PCDH15: variants seen among roughly 807,000 people sequenced by gnomAD.
PCDH15 encodes protocadherin related 15.
Under a neutral mutation model 178.5 loss-of-function variants are expected in PCDH15, and 129 were observed. The ratio of observed to expected loss-of-function variants is 0.72; its 90% CI spans 0.63 to 0.84. The LOEUF is 0.84. Ranked by LOEUF, PCDH15 falls within the 40% of genes least tolerant of loss-of-function variation. PCDH15 has a pLI of 0.00. For missense variants in PCDH15, 2,230 were observed against 2,099.9 expected (o/e 1.06, Z -1.21); for synonymous variants, 800 against 732.0 (o/e 1.09, Z -1.50).
chr10:54,518,439 G>T (rs189019797), intron 3 of PCDH15, among the ~76,000 whole-genome samples: 1 of 152,008 alleles, frequency 6.6e-6, no homozygotes, highest in Non-Finnish European at 1.5e-5. Context: ...ACACCTCTAC[G>T]CAAATAAACT....
chr10:55,139,389 T>C (rs1273945039), intron 2 of PCDH15, among the ~76,000 whole-genome samples: 2 of 151,974 alleles, frequency 1.3e-5, no homozygotes, highest in Non-Finnish European at 2.9e-5. Context: ...TTTCTCTATG[T>C]ATTTTCTTAA....
intron 2 of PCDH15, among the ~76,000 whole-genome samples, chr10:55,349,357 GT>G: frequency 6.6e-6 from 1 of 152,076 alleles, no homozygotes; most frequent in Non-Finnish European, 1.5e-5. Flanking sequence ...GAAAAGAATA[GT>G]TTTCATGTAT....
At position 54,378,839 on chromosome 10, in the gene PCDH15, C is replaced by T. The variant is rs1289815447; in HGVS notation, c.261G>A (p.Met87Ile). ...GGAAAAGCATTTGCTTAACAGGATC[C>T]ATCAACACCCAGTAATCCACATTAT... ...LKDNVDYWVLMDPVKQMLFLN... is the reference protein window; with the variant it reads ...LKDNVDYWVLIDPVKQMLFLN... Residue 87 changes from methionine to isoleucine, a missense_variant, in exon 4 of 38, where the codon ATG becomes ATA. Met to Ile is a conservative substitution (Grantham distance 10). Coordinates refer to ENST00000644397, the MANE Select transcript of PCDH15 (RefSeq NM_001384140.1). 1.2e-6 allele frequency: 2 copies of T among 1,613,764 alleles called. No homozygotes were observed. Among genetic ancestry groups the T allele is most frequent in the African/African-American group, 2.7e-5 (2 of 74,886 alleles).
intron 2 of PCDH15, among the ~76,000 whole-genome samples, chr10:54,633,797 T>C (rs2093768785): frequency 6.6e-6 from 1 of 152,122 alleles, no homozygotes; most frequent in African/African-American, 2.4e-5. Context: ...GAATGTACTT[T>C]CTATGGAGAG....
At chr10:54,432,145 C>T (rs1302878887) in intron 3 of PCDH15, among the ~76,000 whole-genome samples, 1 of 151,786 alleles carries the variant, frequency 6.6e-6, no homozygotes, top group African/African-American at 2.4e-5. Context: ...TCCATAGTAC[C>T]CACAGCAATT....
chr10:54,576,650 C>T (rs1196158964), intron 2 of PCDH15, among the ~76,000 whole-genome samples: 1 of 152,148 alleles, frequency 6.6e-6, no homozygotes, highest in Non-Finnish European at 1.5e-5. Flanking sequence ...CAGTCAGACT[C>T]AGTCAGTCTA....
intron 1 of PCDH15, among the ~76,000 whole-genome samples, chr10:54,723,579 C>T (rs1455498002): frequency 6.6e-6 from 1 of 151,534 alleles, no homozygotes; most frequent in African/African-American, 2.4e-5. Flanking sequence ...TTTTGCACAA[C>T]AAAATAAATA....
At chr10:54,998,122 A>AT (rs1287858533) in intron 2 of PCDH15, among the ~76,000 whole-genome samples, 11 of 152,276 alleles carry the variant, frequency 7.2e-5, no homozygotes, top group African/African-American at 2.6e-4. Flanking sequence ...AAAAACAATA[A>AT]TTTTGTCTAA....
intron 2 of PCDH15, among the ~76,000 whole-genome samples, chr10:54,592,799 A>C (rs2091967633): frequency 6.6e-6 from 1 of 152,182 alleles, no homozygotes; most frequent in South Asian, 2.1e-4. Context: ...ACCAATTTAC[A>C]TTCCCATCAA....
At chr10:55,465,258 G>A (rs1839808387) in intron 2 of PCDH15, among the ~76,000 whole-genome samples, 1 of 152,180 alleles carries the variant, frequency 6.6e-6, no homozygotes, top group African/African-American at 2.4e-5. Flanking sequence ...GTCCAAAACA[G>A]TATGGAGGCA....
chr10:55,216,243 T>G (rs1367145225), intron 1 of PCDH15, among the ~76,000 whole-genome samples: 2 of 151,990 alleles, frequency 1.3e-5, no homozygotes, highest in Admixed American at 1.3e-4. Context: ...AAAGTCATAT[T>G]TGGGTCTGAA....
chr10:54,724,229 C>A (rs1293580697), intron 1 of PCDH15, among the ~76,000 whole-genome samples: 2 of 149,942 alleles, frequency 1.3e-5, no homozygotes, highest in East Asian at 2.0e-4. Flanking sequence ...AAATTATGTC[C>A]TTTACAGCAA....
chr10:55,222,135 A>G (rs1840894673), intron 1 of PCDH15, among the ~76,000 whole-genome samples: 1 of 151,426 alleles, frequency 6.6e-6, no homozygotes, highest in Non-Finnish European at 1.5e-5. Context: ...TCGGCCTCCC[A>G]AAGTGCTGGG....
intron 2 of PCDH15, among the ~76,000 whole-genome samples, chr10:55,356,077 C>T (rs1041588311): frequency 1.3e-5 from 2 of 151,874 alleles, no homozygotes; most frequent in African/African-American, 2.4e-5. Context: ...GCTCCAACTA[C>T]ATTCTACTAA....
intron 2 of PCDH15, among the ~76,000 whole-genome samples, chr10:55,518,331 CTTTG>C (rs931819404): frequency 1.3e-5 from 2 of 152,054 alleles, no homozygotes; most frequent in Admixed American, 1.3e-4. Flanking sequence ...TCATGTCAGG[CTTTG>C]TTTATCTTTG....
rs777147348 is a variant in PCDH15, at chr10:53,806,985, G to A, written c.4817C>T (p.Ala1606Val). ...HSNINGNIYI[A>V]QNGSVVRTRR... is the part of the protein sequence containing the mutation. ...GGTTCTCACCACAGAACCATTCTGT[G>A]CAATATATATATTGCCGTTGATATT... Residue 1606 changes from alanine to valine, a missense_variant, in exon 38 of 38, where the codon GCA (alanine) becomes GTA (valine). Transcript: ENST00000644397. 5 of 1,613,760 alleles carry A rather than the reference G, an allele frequency of 3.1e-6. No homozygotes were observed. Among genetic ancestry groups the A allele is most frequent in the Non-Finnish European group, 3.4e-6 (4 of 1,179,832 alleles).
At chr10:54,714,151 A>G (rs896762612) in intron 1 of PCDH15, among the ~76,000 whole-genome samples, 17 of 152,152 alleles carry the variant, frequency 1.1e-4, no homozygotes, top group African/African-American at 3.6e-4. Flanking sequence ...GAACAATGTC[A>G]GACAGACTAA....
At chr10:55,112,852 G>A (rs1198075060) in intron 2 of PCDH15, among the ~76,000 whole-genome samples, 2 of 152,084 alleles carry the variant, frequency 1.3e-5, no homozygotes, top group East Asian at 3.9e-4. Context: ...GGAAGAGAAG[G>A]AAAACAACAC....
At chr10:53,905,936 C>T (rs2082650842) in intron 25 of PCDH15, among the ~76,000 whole-genome samples, 1 of 151,862 alleles carries the variant, frequency 6.6e-6, no homozygotes, top group South Asian at 2.1e-4. Flanking sequence ...TACTTCACAA[C>T]CAGCACACAA....
Sources: allele counts gnomAD v4.1 joint callset (sites outside exome capture counted in the v4.1 genomes callset), GRCh38; gene constraint gnomAD v4.1.1; transcripts MANE v1.5; gene names NCBI Gene and HGNC (gene_info 2026-07-23, HGNC 2026-07-21).